Variants in RGS7 observed in about 807,000 individuals in gnomAD.
RGS7 encodes the protein regulator of G protein signaling 7.
A neutral mutation model predicts 81.1 loss-of-function variants in RGS7; 27 were observed. The ratio of observed to expected loss-of-function variants is 0.33; its 90% CI spans 0.25 to 0.46. The LOEUF is 0.46. Among genes scored for constraint, RGS7 ranks in the 20% least tolerant of loss-of-function variants. The pLI, the probability that RGS7 is intolerant of heterozygous loss-of-function variation, is 1.00. For missense variants in RGS7, 396 were observed against 607.4 expected (o/e 0.65, Z 3.66); for synonymous variants, 208 against 207.7 (o/e 1.00, Z -0.01).
chr1:241,232,373 C>T (rs2815855), intron 2 of RGS7, among the ~76,000 whole-genome samples: 87,594 of 151,608 alleles, frequency 0.58, 25,532 homozygotes, highest in African/African-American at 0.62. Context: ...TTTTTAAATA[C>T]ATATATTTTT....
chr1:241,286,762 T>C (rs1027701503), intron 2 of RGS7, among the ~76,000 whole-genome samples: 2 of 152,196 alleles, frequency 1.3e-5, no homozygotes, highest in African/African-American at 4.8e-5. Context: ...TCTCTGGTTA[T>C]GCCACACTGC....
intron 2 of RGS7, among the ~76,000 whole-genome samples, chr1:241,162,652 T>C (rs2069822871): frequency 6.6e-6 from 1 of 152,184 alleles, no homozygotes; most frequent in African/African-American, 2.4e-5. Flanking sequence ...CCCGCTGCCT[T>C]AAACCCACTT....
intron 6 of RGS7, among the ~76,000 whole-genome samples, chr1:240,885,128 G>C (rs1360246481): frequency 6.6e-6 from 1 of 152,112 alleles, no homozygotes; most frequent in Non-Finnish European, 1.5e-5. Context: ...ACATGTATGT[G>C]GCCAACAATC....
chr1:240,851,492 T>G (rs550205349), intron 9 of RGS7, among the ~76,000 whole-genome samples: 1 of 152,356 alleles, frequency 6.6e-6, no homozygotes, highest in Non-Finnish European at 1.5e-5. Flanking sequence ...TCATACCTGC[T>G]AACACAACAT....
chr1:240,989,276 A>G (rs908298192), intron 3 of RGS7, among the ~76,000 whole-genome samples: 3 of 137,140 alleles, frequency 2.2e-5, no homozygotes, highest in Non-Finnish European at 3.1e-5. Flanking sequence ...TGTCTCTACT[A>G]AAAAAAAAAA....
chr1:241,203,416 A>G (rs1406336965), intron 2 of RGS7, among the ~76,000 whole-genome samples: 1 of 152,008 alleles, frequency 6.6e-6, no homozygotes, highest in Non-Finnish European at 1.5e-5. Context: ...TATTTTTAGT[A>G]GAGACGGGTT....
In RGS7 at chr1:241,097,972, T is replaced by C. The variant is rs531681309; in HGVS notation, c.175+694A>G. Among the ~76,000 whole-genome samples, 5 of 152,302 alleles carry C rather than the reference T, an allele frequency of 3.3e-5. No homozygotes were observed. In the East Asian group the frequency reaches 9.6e-4, roughly 29 times the overall value. On this transcript the variant is annotated intron_variant, in intron 3 of 18. Transcript: ENST00000440928. ...CCTCACGCTCTTTCCTCTCTATTCC[T>C]TCAGCCCTTGGATATCAGGACCTGG...
chr1:241,084,927 T>C (rs2063344236), intron 3 of RGS7, among the ~76,000 whole-genome samples: 1 of 152,252 alleles, frequency 6.6e-6, no homozygotes. Flanking sequence ...TCCTGCCAAT[T>C]AGTTCAGGAA....
rs1491281246 is a variant in RGS7, at chr1:241,089,020, C to CCTCTCTCTCT, written c.175+9645_175+9646insAGAGAGAGAG. On this transcript the variant is annotated intron_variant, in intron 3 of 18. Coordinates refer to ENST00000440928, the MANE Select transcript of RGS7 (RefSeq NM_001364886.1). ...CAGCCTGGGCCACAGAGCAAGACTC[C>CCTCTCTCTCT]ATCTCTCTCTCTCTCTCTCTCTCTC... Among the ~76,000 whole-genome samples, 74 of 45,422 alleles carry CCTCTCTCTCT rather than the reference C, an allele frequency of 1.6e-3. 5 individuals are homozygous for CCTCTCTCTCT. The highest frequency in any genetic ancestry group is 4.6e-3 in the African/African-American group (39 of 8,456). 29.8% of individuals were successfully genotyped at this position (45,422 alleles called of 152,430 possible). A position where few individuals can be genotyped will look rare whatever the true frequency, so the allele number is the denominator to read the frequency against.
chr1:240,879,259 C>T (rs182816914), intron 6 of RGS7, among the ~76,000 whole-genome samples: 86 of 152,328 alleles, frequency 5.6e-4, no homozygotes, highest in African/African-American at 2.0e-3. Flanking sequence ...ACTAATGTGG[C>T]TCAATTTAAT....
chr1:241,333,731 A>G (rs939251502), intron 2 of RGS7, among the ~76,000 whole-genome samples: 5 of 151,930 alleles, frequency 3.3e-5, no homozygotes, highest in African/African-American at 4.8e-5. Context: ...TATTTTCATT[A>G]AGGATATTAA....
chr1:241,183,584 G>A (rs1029610698), intron 2 of RGS7, among the ~76,000 whole-genome samples: 3 of 152,104 alleles, frequency 2.0e-5, no homozygotes, highest in African/African-American at 2.4e-5. Context: ...TCTCCTGTGC[G>A]GAAAAGTCAC....
intron 4 of RGS7, among the ~76,000 whole-genome samples, chr1:240,979,716 G>T (rs2148545168): frequency 6.6e-6 from 1 of 151,698 alleles, no homozygotes; most frequent in South Asian, 2.1e-4. Context: ...AGGAACCTAG[G>T]ACAGAAACCT....
intron 2 of RGS7, among the ~76,000 whole-genome samples, chr1:241,175,289 C>T (rs897708068): frequency 5.9e-5 from 9 of 152,144 alleles, no homozygotes; most frequent in Non-Finnish European, 7.4e-5. Context: ...CATTCTCTAG[C>T]ATTTTTATAA....
chr1:241,117,022 T>C (rs1331811686), intron 2 of RGS7, among the ~76,000 whole-genome samples: 1 of 152,092 alleles, frequency 6.6e-6, no homozygotes, highest in East Asian at 1.9e-4. Flanking sequence ...GGTTACACAG[T>C]TGGTAAGAAG....
chr1:240,958,088 T>G (rs1680751763), intron 4 of RGS7, among the ~76,000 whole-genome samples: 1 of 152,158 alleles, frequency 6.6e-6, no homozygotes, highest in African/African-American at 2.4e-5. Flanking sequence ...TAAAGTGCAG[T>G]TCATCTGGCA....
chr1:240,862,922 AAT>A (rs1303282981), intron 9 of RGS7, among the ~76,000 whole-genome samples: 7 of 142,226 alleles, frequency 4.9e-5, no homozygotes, highest in South Asian at 2.1e-4. Context: ...CTGTAAACTA[AAT>A]ATGTGTGTGT....
At chr1:240,795,303 C>A (rs1012508009) in intron 18 of RGS7, among the ~76,000 whole-genome samples, 11 of 152,006 alleles carry the variant, frequency 7.2e-5, no homozygotes, top group African/African-American at 2.7e-4. Flanking sequence ...TTAAAAAAAA[C>A]AATATGTTTC....
At chr1:240,946,449 C>G (rs1362189149) in intron 4 of RGS7, among the ~76,000 whole-genome samples, 1 of 151,742 alleles carries the variant, frequency 6.6e-6, no homozygotes, top group Non-Finnish European at 1.5e-5. Context: ...CAAAAAGTTT[C>G]TTAAAAAATT....
Sources: gnomAD v4.1 joint callset for allele counts (sites outside exome capture counted in the v4.1 genomes callset) on GRCh38, gnomAD v4.1.1 for gene constraint, MANE v1.5 for transcripts, NCBI Gene and HGNC (gene_info 2026-07-23, HGNC 2026-07-21) for gene names.